MSH4: variants seen among roughly 807,000 people sequenced by gnomAD.
MSH4 encodes the protein mutS homolog 4.
MSH4 carries 106 observed loss-of-function variants against 113.7 expected under a neutral mutation model. The observed-to-expected ratio is 0.93, with a 90% CI of 0.80 to 1.10. The LOEUF (loss-of-function observed/expected upper bound fraction) is 1.10, where lower values mean the gene tolerates loss of function less well. MSH4 is among the 50% of genes least tolerant of loss of function. The pLI is 0.00. For missense variants in MSH4, 1,061 were observed against 1,093.7 expected (o/e 0.97, Z 0.42); for synonymous variants, 368 against 380.2 (o/e 0.97, Z 0.37).
At chr1:75,817,242 C>T (rs1336142199) in intron 6 of MSH4, among the ~76,000 whole-genome samples, 2 of 152,160 alleles carry the variant, frequency 1.3e-5, no homozygotes, top group East Asian at 3.8e-4. Context: ...TAGACATTTT[C>T]ACAAAGAAGG....
In MSH4 at chr1:75,810,743, C is replaced by T. The variant is rs1434928012; in HGVS notation, c.635C>T (p.Ser212Leu). 6.3e-7 allele frequency: 1 copy of T among 1,587,246 alleles called. No homozygotes were observed. Among genetic ancestry groups the T allele is most frequent in the African/African-American group, 1.4e-5 (1 of 73,314 alleles). ...KILSPLEIIM[S>L]NTACAVGNST... ...TTATCACCTTTGGAAATAATAATGT[C>T]AAATACTGCTTGTGCTGTGGGGAAT... Residue 212 changes from serine to leucine, a missense_variant, in exon 4 of 20, where the codon TCA (serine) becomes TTA (leucine). Physicochemically the swap from Ser to Leu is moderately radical, Grantham distance 145. Transcript: ENST00000263187.
chr1:75,813,570 C>A (rs900817609), intron 4 of MSH4, among the ~76,000 whole-genome samples: 1 of 151,938 alleles, frequency 6.6e-6, no homozygotes, highest in Non-Finnish European at 1.5e-5. Context: ...CAGAGATGGC[C>A]TCATTGATAA....
At position 75,867,611 on chromosome 1, in the gene MSH4, A is replaced by C. The variant is rs140251668; in HGVS notation, c.1305+23A>C. Reference sequence around the variant, plus strand: ...AAGGTAATTTATGTGTGTGTATCGTACAAAACATGTCCAGCATTATTTTTT... The same window carrying C: ...AAGGTAATTTATGTGTGTGTATCGTCCAAAACATGTCCAGCATTATTTTTT... On this transcript the variant is annotated intron_variant, in intron 9 of 19. Coordinates refer to ENST00000263187, the MANE Select transcript of MSH4 (RefSeq NM_002440.4). The C allele has an allele frequency of 2.1e-4, 289 of 1,399,370 alleles. No homozygotes were observed. In the African/African-American group the frequency reaches 3.8e-3, roughly 18 times the overall value. The allele number at this position is 1,399,370 out of a possible 1,614,324, so 86.7% of individuals were successfully genotyped here.
chr1:75,904,367 C>T (rs1461782871), intron 19 of MSH4, among the ~76,000 whole-genome samples: 1 of 152,088 alleles, frequency 6.6e-6, no homozygotes, highest in African/African-American at 2.4e-5. Context: ...CAGGGTAATA[C>T]TAGCCTCATA....
intron 7 of MSH4, among the ~76,000 whole-genome samples, chr1:75,837,372 A>G (rs565049768): frequency 3.5e-5 from 5 of 143,930 alleles, no homozygotes; most frequent in African/African-American, 1.3e-4. Context: ...AACTTAATGT[A>G]CCCAAATTGT....
At chr1:75,879,910 T>C (rs1173966854) in intron 12 of MSH4, 140 bp from the exon 13 acceptor site, 25 of 587,924 alleles carry the variant, frequency 4.3e-5, no homozygotes, top group Non-Finnish European at 6.6e-5. Context: ...TTCACAAATA[T>C]TATTTAGAAC....
At chr1:75,871,009 A>G (rs1651701565) in intron 9 of MSH4, among the ~76,000 whole-genome samples, 1 of 152,232 alleles carries the variant, frequency 6.6e-6, no homozygotes. Context: ...ACTGCTATAA[A>G]GAACTACCAA....
intron 9 of MSH4, among the ~76,000 whole-genome samples, chr1:75,870,447 T>C (rs556916487): frequency 6.6e-6 from 1 of 152,122 alleles, no homozygotes; most frequent in Non-Finnish European, 1.5e-5. Flanking sequence ...CAGAATTATA[T>C]GGTTTGGCTG....
Position 75,912,770 on chromosome 1 carries a change from T to C in MSH4, c.2694T>C (p.Thr898=). ...VYHLATRLVQ[T]ARNSQLDPDS... Reference sequence around the variant, plus strand: ...ATCTAGCCACTAGGCTTGTTCAAACTGCTCGAAACTCTCAATTGGATCCAG... The same window carrying C: ...ATCTAGCCACTAGGCTTGTTCAAACCGCTCGAAACTCTCAATTGGATCCAG... Residue 898 remains threonine (T), a synonymous_variant, in exon 20 of 20, where the codon ACT becomes ACC. Transcript: ENST00000263187. The C allele has an allele frequency of 6.3e-7, 1 of 1,595,722 alleles. No individual in the cohort carries two copies. The highest frequency in any genetic ancestry group is 8.5e-7 in the Non-Finnish European group (1 of 1,171,722).
chr1:75,847,983 G>A (rs1319495427), intron 7 of MSH4, among the ~76,000 whole-genome samples: 1 of 152,046 alleles, frequency 6.6e-6, no homozygotes, highest in East Asian at 1.9e-4. Context: ...CAGAAGGGAT[G>A]GTTAGCAGCA....
chr1:75,908,288 G>C (rs150034126), intron 19 of MSH4, among the ~76,000 whole-genome samples: 3,786 of 151,566 alleles, frequency 0.025, 68 homozygotes, highest in Middle Eastern at 0.041. Context: ...TGGGATTACA[G>C]GTGTGCACCA....
At chr1:75,814,403 TGTA>T (rs1371439894) in intron 4 of MSH4, among the ~76,000 whole-genome samples, 1 of 151,828 alleles carries the variant, frequency 6.6e-6, no homozygotes, top group Non-Finnish European at 1.5e-5. Flanking sequence ...AGTTCAAATT[TGTA>T]GTGAGCTATG....
At position 75,890,682 on chromosome 1, in the gene MSH4, A is replaced by G; in HGVS notation, c.2227-14A>G. The G allele has an allele frequency of 7.3e-7, 1 of 1,367,480 alleles. No homozygotes were observed. Among genetic ancestry groups the G allele is most frequent in the Non-Finnish European group, 1.0e-6 (1 of 1,000,064 alleles). 84.7% of individuals were successfully genotyped at this position (1,367,480 alleles called of 1,614,324 possible). ...TTGGTTACAATGAATAAATATTAAA[A>G]TTATATATTTCAGATAGCATATATT... On this transcript the variant is annotated splice_polypyrimidine_tract_variant and intron_variant, in intron 16 of 19. Coordinates refer to ENST00000263187, the MANE Select transcript of MSH4 (RefSeq NM_002440.4).
chr1:75,865,261 A>G (rs1245896768), intron 8 of MSH4, among the ~76,000 whole-genome samples: 1 of 152,168 alleles, frequency 6.6e-6, no homozygotes, highest in Non-Finnish European at 1.5e-5. Context: ...ATATCTTTTG[A>G]TAAATAGAAA....
intron 6 of MSH4, among the ~76,000 whole-genome samples, chr1:75,821,405 A>G (rs993465078): frequency 1.3e-5 from 2 of 151,674 alleles, no homozygotes; most frequent in Non-Finnish European, 2.9e-5. Flanking sequence ...CATTCAAAGC[A>G]GTGTGTAGAG....
At chr1:75,811,680 G>A (rs1306458422) in intron 4 of MSH4, among the ~76,000 whole-genome samples, 1 of 152,210 alleles carries the variant, frequency 6.6e-6, no homozygotes, top group Admixed American at 6.5e-5. Flanking sequence ...AAGAATGGGG[G>A]CTGTGGCTCC....
At chr1:75,837,568 G>A (rs1482138411) in intron 7 of MSH4, among the ~76,000 whole-genome samples, 1 of 151,898 alleles carries the variant, frequency 6.6e-6, no homozygotes, top group Non-Finnish European at 1.5e-5. Context: ...TGTATTTTTA[G>A]TAGAGATGGG....
At chr1:75,836,250 C>T (rs1176844572) in intron 7 of MSH4, among the ~76,000 whole-genome samples, 1 of 151,824 alleles carries the variant, frequency 6.6e-6, no homozygotes, top group Non-Finnish European at 1.5e-5. Flanking sequence ...TTTCTCACTG[C>T]TCTACTGGTT....
intron 1 of MSH4, among the ~76,000 whole-genome samples, chr1:75,802,563 C>T (rs997852648): frequency 1.3e-4 from 20 of 152,038 alleles, no homozygotes; most frequent in African/African-American, 4.8e-4. Context: ...TATGACAATC[C>T]TGTAAAATAG....
Sources: allele counts gnomAD v4.1 joint callset (sites outside exome capture counted in the v4.1 genomes callset), GRCh38; gene constraint gnomAD v4.1.1; transcripts MANE v1.5; gene names NCBI Gene and HGNC (gene_info 2026-07-23, HGNC 2026-07-21).